The following UGGT2 variants were observed in gnomAD, a reference collection of about 807,000 sequenced individuals.
UGGT2 encodes UDP-glucose glycoprotein glucosyltransferase 2, also known as UDP-glucose:glycoprotein glucosyltransferase 2.
A neutral mutation model predicts 192.1 loss-of-function variants in UGGT2; 180 were observed. The observed-to-expected ratio is 0.94, with a 90% CI of 0.83 to 1.06. The LOEUF (loss-of-function observed/expected upper bound fraction) is 1.06, where lower values mean the gene tolerates loss of function less well. UGGT2 is among the 50% of genes least tolerant of loss of function. The pLI is 0.00. For missense variants in UGGT2, 1,849 were observed against 1,795.7 expected, an observed-to-expected ratio of 1.03 and a Z score of -0.54; for synonymous variants, 580 against 591.0, an observed-to-expected ratio of 0.98 and a Z score of 0.27.
intron 38 of UGGT2, among the ~76,000 whole-genome samples, chr13:95,812,639 G>A (rs1345341468): frequency 6.6e-6 from 1 of 151,926 alleles, no homozygotes; most frequent in Non-Finnish European, 1.5e-5. Flanking sequence ...GGAGGTGGGG[G>A]CTTGGTGGGA....
At chr13:95,985,483 G>T in intron 9 of UGGT2, 1 of 259,764 alleles carries the variant, frequency 3.8e-6, no homozygotes, top group Non-Finnish European at 7.7e-6. Context: ...ATGAATAAAT[G>T]TACAAAATAG....
chr13:96,032,048 C>G, intron 1 of UGGT2, 77 bp from the exon 2 acceptor site: 2 of 987,800 alleles, frequency 2.0e-6, no homozygotes, highest in Non-Finnish European at 3.0e-6. Context: ...TACTCAAGAA[C>G]CAAATTATAT....
At chr13:95,859,076 T>C (rs1889901940) in intron 33 of UGGT2, among the ~76,000 whole-genome samples, 1 of 152,136 alleles carries the variant, frequency 6.6e-6, no homozygotes, top group African/African-American at 2.4e-5. Flanking sequence ...AGTATAGGGC[T>C]GAGTAAAGGG....
intron 2 of UGGT2, among the ~76,000 whole-genome samples, chr13:96,024,689 T>C (rs914232703): frequency 2.6e-5 from 4 of 152,278 alleles, no homozygotes; most frequent in Admixed American, 2.6e-4. Context: ...CTCCTCTACA[T>C]CTTGGCACTG....
chr13:95,878,537 G>A (rs2047405921), intron 27 of UGGT2, among the ~76,000 whole-genome samples: 1 of 152,110 alleles, frequency 6.6e-6, no homozygotes, highest in African/African-American at 2.4e-5. Flanking sequence ...GTTGTTTCTG[G>A]ATTTTTCTCT....
chr13:95,950,539 C>CAA (rs557375454), intron 12 of UGGT2, among the ~76,000 whole-genome samples: 76 of 83,852 alleles, frequency 9.1e-4, no homozygotes, highest in Middle Eastern at 8.3e-3. Flanking sequence ...CTGGCTCTCA[C>CAA]AAAAAAAAAA....
chr13:95,927,659 TG>T (rs1231346490), intron 17 of UGGT2, among the ~76,000 whole-genome samples: 2 of 152,124 alleles, frequency 1.3e-5, no homozygotes, highest in Non-Finnish European at 2.9e-5. Context: ...GCTTTTTTGT[TG>T]TTTTTTTAAA....
chr13:95,909,998 A>G (rs531108065), intron 20 of UGGT2, among the ~76,000 whole-genome samples: 46 of 152,252 alleles, frequency 3.0e-4, no homozygotes, highest in African/African-American at 9.9e-4. Flanking sequence ...ACTAATCTTC[A>G]TAAGTGAAGG....
intron 36 of UGGT2, among the ~76,000 whole-genome samples, chr13:95,850,608 T>A (rs1342026075): frequency 6.6e-6 from 1 of 152,194 alleles, no homozygotes; most frequent in Non-Finnish European, 1.5e-5. Context: ...CCCAACAGCA[T>A]GAGCTCCTAC....
intron 20 of UGGT2, among the ~76,000 whole-genome samples, chr13:95,915,783 C>A (rs964963307): frequency 3.9e-5 from 6 of 152,202 alleles, no homozygotes; most frequent in Non-Finnish European, 8.8e-5. Flanking sequence ...TCTATCCGAT[C>A]ATGGCCAGAC....
chr13:95,808,747 T>C (rs1014845238), intron 38 of UGGT2, among the ~76,000 whole-genome samples: 5 of 152,214 alleles, frequency 3.3e-5, no homozygotes, highest in Non-Finnish European at 5.9e-5. Context: ...CATAACTGAA[T>C]AGCATGTACA....
chr13:95,872,498 TAAAC>T (rs1157970622), intron 29 of UGGT2, among the ~76,000 whole-genome samples: 1 of 152,210 alleles, frequency 6.6e-6, no homozygotes, highest in African/African-American at 2.4e-5. Context: ...TAAATTAGGA[TAAAC>T]AATATCAGTT....
chr13:95,986,539 T>A (rs1242896250), intron 8 of UGGT2, 107 bp from the exon 9 acceptor site: 1 of 754,798 alleles, frequency 1.3e-6, no homozygotes, highest in African/African-American at 1.8e-5. Flanking sequence ...AGTATTAGTA[T>A]ACAAACATGT....
intron 37 of UGGT2, among the ~76,000 whole-genome samples, chr13:95,835,301 C>T (rs1325085870): frequency 6.6e-6 from 1 of 152,132 alleles, no homozygotes; most frequent in Non-Finnish European, 1.5e-5. Context: ...AGGTCTGCTG[C>T]TGGAATGAGT....
At position 95,900,947 on chromosome 13, in the gene UGGT2, AAAGTT is replaced by A. The variant is rs777671534; in HGVS notation, c.2503-14_2503-10del. ...GCATTCTTATCCATCCCCTAAAGCA[AAAGTT>A]AAGACTGATGAAACTAATATGAGAA... On this transcript the variant is annotated splice_polypyrimidine_tract_variant and intron_variant, in intron 21 of 38. Coordinates refer to ENST00000376747, the MANE Select transcript of UGGT2 (RefSeq NM_020121.4). The A allele has an allele frequency of 3.2e-6, 5 of 1,574,904 alleles. No homozygotes were observed. Among genetic ancestry groups the A allele is most frequent in the South Asian group, 1.2e-5 (1 of 84,534 alleles).
In UGGT2 at chr13:96,029,797, G is replaced by C. The variant is rs577239419; in HGVS notation, c.241+2092C>G. Among the ~76,000 whole-genome samples, 16 of 152,246 alleles carry C rather than the reference G, an allele frequency of 1.1e-4. No individual in the cohort carries two copies. In the South Asian group the frequency reaches 3.1e-3, roughly 30 times the overall value. On this transcript the variant is annotated intron_variant, in intron 2 of 38. Coordinates refer to ENST00000376747, the MANE Select transcript of UGGT2 (RefSeq NM_020121.4). ...ACTTAAAATGAATTTGAAATTTACA[G>C]GAGTAATTTTTAAGATTGCGTCTCC...
intron 17 of UGGT2, among the ~76,000 whole-genome samples, 161 bp from the exon 18 acceptor site, chr13:95,927,497 GT>G (rs2049063146): frequency 2.3e-5 from 3 of 128,450 alleles, no homozygotes; most frequent in Non-Finnish European, 4.9e-5. Context: ...TTATTCTTCA[GT>G]TTGGTAAACA....
At chr13:95,952,340 T>C (rs2050091497) in intron 12 of UGGT2, among the ~76,000 whole-genome samples, 1 of 152,100 alleles carries the variant, frequency 6.6e-6, no homozygotes, top group African/African-American at 2.4e-5. Flanking sequence ...ACCCACCCCC[T>C]AGTATCTGTA....
At chr13:95,825,095 ATGTACTCAGTG>A (rs1457328213) in intron 38 of UGGT2, among the ~76,000 whole-genome samples, 2 of 152,100 alleles carry the variant, frequency 1.3e-5, no homozygotes, top group African/African-American at 4.8e-5. Flanking sequence ...TGTAATAGTC[ATGTACTCAGTG>A]TGTTGGCAAG....
Sources: allele counts gnomAD v4.1 joint callset (sites outside exome capture counted in the v4.1 genomes callset), GRCh38; gene constraint gnomAD v4.1.1; transcripts MANE v1.5; gene names NCBI Gene and HGNC (gene_info 2026-07-23, HGNC 2026-07-21).